The following VPS39 variants were observed in gnomAD, a reference collection of about 807,000 sequenced individuals.
VPS39 encodes the protein VPS39 subunit of HOPS complex.
Under a neutral mutation model 121.0 loss-of-function variants are expected in VPS39, and 70 were observed. The observed-to-expected ratio is 0.58, with a 90% confidence interval of 0.48 to 0.71. The LOEUF is 0.71. Among genes scored for constraint, VPS39 ranks in the 30% least tolerant of loss-of-function variants. VPS39 has a pLI of 0.00. For missense variants in VPS39, 818 were observed against 1,051.5 expected (o/e 0.78, Z 3.07); for synonymous variants, 378 against 398.1 (o/e 0.95, Z 0.60).
Position 42,178,583 on chromosome 15 carries a change from A to G in VPS39, c.719-13T>C. 3 of 1,613,834 alleles carry G rather than the reference A, an allele frequency of 1.9e-6. No homozygotes were observed. The highest frequency in any genetic ancestry group is 2.5e-6 in the Non-Finnish European group (3 of 1,179,800). On this transcript the variant is annotated splice_polypyrimidine_tract_variant and intron_variant, in intron 8 of 24. Transcript: ENST00000318006. The stretch of plus-strand genomic sequence containing the variant: ...GGAGGCTGGTGCTCTGTGAAAGAGA[A>G]CATACACAGCAGTTGTTCCGGTCTA...
chr15:42,165,752 A>C lies in VPS39; in HGVS notation c.1745T>G (p.Ile582Arg). The C allele has an allele frequency of 6.2e-7, 1 of 1,614,166 alleles. No homozygotes were observed. The highest frequency in any genetic ancestry group is 8.5e-7 in the Non-Finnish European group (1 of 1,180,008). Reference sequence around the variant, plus strand: ...AATAGCCAGACCCTTAAAATTCTCTATTAAGAAGCCGAGGACTCGATCACG... The same window carrying C: ...AATAGCCAGACCCTTAAAATTCTCTCTTAAGAAGCCGAGGACTCGATCACG... ...LPRDRVLGFL[I>R]ENFKGLAIPY... The change falls in exon 17 of 25, where the codon ATA becomes AGA. Residue 582 changes from isoleucine (I) to arginine (R), a missense_variant. Transcript: ENST00000318006.
chr15:42,163,530 G>C lies in VPS39; in HGVS notation c.2129+96C>G, dbSNP rs539891599. On this transcript the variant is annotated intron_variant, in intron 20 of 24. Transcript: ENST00000318006. Reference sequence around the variant, plus strand: ...CAGGACGGAGGCGATTCTTGCTCCCGCAGTGGAGTATGGGGAGATGGCCTT... The same window carrying C: ...CAGGACGGAGGCGATTCTTGCTCCCCCAGTGGAGTATGGGGAGATGGCCTT... 1.5e-4 allele frequency: 233 copies of C among 1,512,018 alleles called. 2 individuals are homozygous for C. In the African/African-American group the frequency reaches 3.0e-3, roughly 20 times the overall value. 93.7% of individuals were successfully genotyped at this position (1,512,018 alleles called of 1,614,324 possible).
At position 42,208,296 on chromosome 15, in the gene VPS39, G is replaced by C. The variant is rs1381574096; in HGVS notation, c.-143C>G. The C allele has an allele frequency of 1.4e-5, 15 of 1,066,652 alleles. No homozygotes were observed. The highest frequency in any genetic ancestry group is 1.9e-5 in the Non-Finnish European group (14 of 753,760). 66.1% of individuals were successfully genotyped at this position (1,066,652 alleles called of 1,614,324 possible). On this transcript the variant is annotated 5_prime_UTR_variant, in exon 1 of 25. Transcript: ENST00000318006. ...CAGGCCCTTCAACAACACAGCCATC[G>C]TCAACCCCGGACTTCCTGCTAGTTA... is the stretch of plus-strand genomic sequence containing the variant.
At chr15:42,199,676 T>C (rs1254871875) in intron 2 of VPS39, 2 of 542,204 alleles carry the variant, frequency 3.7e-6, no homozygotes, top group Middle Eastern at 2.8e-4. Flanking sequence ...AATTCAGTAA[T>C]AAGTAAACCA....
chr15:42,192,700 AC>A (rs2049853202), intron 2 of VPS39, among the ~76,000 whole-genome samples: 1 of 152,280 alleles, frequency 6.6e-6, no homozygotes, highest in South Asian at 2.1e-4. Context: ...AGAAAAAAAA[AC>A]AATTCAGACA....
At chr15:42,188,544 G>C (rs918348081) in intron 5 of VPS39, among the ~76,000 whole-genome samples, 3 of 152,134 alleles carry the variant, frequency 2.0e-5, no homozygotes, top group Non-Finnish European at 4.4e-5. Context: ...GTTTGTCCAG[G>C]ACGAGAGTTT....
At chr15:42,193,406 T>C (rs188974179) in intron 2 of VPS39, among the ~76,000 whole-genome samples, 3 of 152,368 alleles carry the variant, frequency 2.0e-5, no homozygotes, top group East Asian at 1.9e-4. Context: ...AGTACTTTAA[T>C]AGATTTTTCA....
Position 42,167,441 on chromosome 15 carries a change from T to G in VPS39, c.1330A>C (p.Lys444Gln). Reference sequence around the variant, plus strand: ...GTGGTGTCGATGATTTGTAGCAGCTTCTTCTTGGATTTGATGGTGGGAGTG... The same window carrying G: ...GTGGTGTCGATGATTTGTAGCAGCTGCTTCTTGGATTTGATGGTGGGAGTG... ...EGTPTIKSKK[K>Q]LLQIIDTTLL... Residue 444 changes from lysine to glutamine, a missense_variant, in exon 13 of 25, where the codon AAG becomes CAG. Transcript: ENST00000318006. The G allele has an allele frequency of 6.2e-7, 1 of 1,614,124 alleles. No individual in the cohort carries two copies. Among genetic ancestry groups the G allele is most frequent in the Non-Finnish European group, 8.5e-7 (1 of 1,180,022 alleles).
rs765796016 is a variant in VPS39, at chr15:42,184,568, T to A, written c.667A>T (p.Ile223Phe). The change falls in exon 8 of 25, where the codon ATC (isoleucine) becomes TTC (phenylalanine). Residue 223 changes from isoleucine (I) to phenylalanine (F), a missense_variant. Ile to Phe is a conservative substitution (Grantham distance 21, BLOSUM62 0). Transcript: ENST00000318006. The part of the protein sequence containing the change: ...DLTVVLNEEG[I>F]CTQKCALNWT... ...TTCAGGGCACATTTCTGTGTGCAGA[T>A]CCCTTCCTCATTGAGTACCACGGTG... is the stretch of plus-strand genomic sequence containing the variant. 6.2e-7 allele frequency: 1 copy of A among 1,614,100 alleles called. No individual in the cohort carries two copies. The highest frequency in any genetic ancestry group is 8.5e-7 in the Non-Finnish European group (1 of 1,180,028).
In VPS39 at chr15:42,192,001, C is replaced by T. The variant is rs947198028; in HGVS notation, c.140-441G>A. On this transcript the variant is annotated intron_variant, in intron 2 of 24. Transcript: ENST00000318006. ...ACTATTCTAACTAAGTTCTGTATCACGGAGACAGAGCAAACACTCAAACCC... is the reference window on the plus strand; with the variant it reads ...ACTATTCTAACTAAGTTCTGTATCATGGAGACAGAGCAAACACTCAAACCC... The T allele has an allele frequency of 2.8e-5, 42 of 1,492,138 alleles. No individual in the cohort carries two copies. In the African/African-American group the frequency reaches 5.0e-4, roughly 18 times the overall value. The allele number at this position is 1,492,138 out of a possible 1,614,324, so 92.4% of individuals were successfully genotyped here. A position where few individuals can be genotyped will look rare whatever the true frequency, so the allele number is the denominator to read the frequency against.
At chr15:42,181,795 C>CA (rs1326501357) in intron 8 of VPS39, among the ~76,000 whole-genome samples, 8 of 152,198 alleles carry the variant, frequency 5.3e-5, no homozygotes, top group Admixed American at 5.2e-4. Flanking sequence ...CTGCCGCCTC[C>CA]ATCTCCCAGG....
At chr15:42,185,118 C>T (rs1000283906) in intron 7 of VPS39, among the ~76,000 whole-genome samples, 4 of 151,962 alleles carry the variant, frequency 2.6e-5, no homozygotes, top group African/African-American at 9.7e-5. Context: ...TATGTTTACA[C>T]AAACGCTTGT....
Position 42,192,083 on chromosome 15 carries a change from G to A in VPS39, c.140-523C>T, listed in dbSNP as rs1239495652. On this transcript the variant is annotated intron_variant, in intron 2 of 24. Transcript: ENST00000318006. ...ACACTTACTGCCGCTTTCAGGTGAT[G>A]CTACATCTGCTGGCACTGTTACAAA... is the stretch of plus-strand genomic sequence containing the variant. The A allele has an allele frequency of 2.6e-6, 4 of 1,536,424 alleles. No individual in the cohort carries two copies. The East Asian group carries it at 9.8e-5, about 38-fold the overall frequency.
chr15:42,190,004 G>C (rs537975704), intron 4 of VPS39, among the ~76,000 whole-genome samples: 34 of 151,706 alleles, frequency 2.2e-4, no homozygotes, highest in Middle Eastern at 3.4e-3. Flanking sequence ...TTGTGGAGAT[G>C]AGGTCTCCCT....
intron 12 of VPS39, 91 bp from the exon 13 acceptor site, chr15:42,167,628 T>C (rs746687402): frequency 2.6e-5 from 39 of 1,507,266 alleles, no homozygotes; most frequent in Non-Finnish European, 3.5e-5. Context: ...TCCAATCAGC[T>C]CATGCCTATT....
chr15:42,191,241 T>C, intron 3 of VPS39, 74 bp from the exon 4 acceptor site: 1 of 1,552,282 alleles, frequency 6.4e-7, no homozygotes, highest in Non-Finnish European at 8.9e-7. Flanking sequence ...TCAATAACAG[T>C]AATAAAAAGG....
At chr15:42,187,733 A>G in intron 6 of VPS39, 25 bp downstream of exon 6, 5 of 1,611,664 alleles carry the variant, frequency 3.1e-6, no homozygotes, top group Non-Finnish European at 4.2e-6. Context: ...CCACCCAACC[A>G]TGGACCAAGG....
At chr15:42,187,948 A>G (rs1480142582) in intron 5 of VPS39, 92 bp from the exon 6 acceptor site, 3 of 1,253,222 alleles carry the variant, frequency 2.4e-6, no homozygotes, top group Non-Finnish European at 3.5e-6. Flanking sequence ...TGAAATTGCT[A>G]CTACTCTGAA....
At chr15:42,184,838 T>C (rs2049667125) in intron 7 of VPS39, 138 bp from the exon 8 acceptor site, 1 of 849,366 alleles carries the variant, frequency 1.2e-6, no homozygotes, top group East Asian at 2.6e-5. Context: ...ACAGAGTTTA[T>C]TATAATAACC....
Sources: allele counts gnomAD v4.1 joint callset (sites outside exome capture counted in the v4.1 genomes callset), GRCh38; gene constraint gnomAD v4.1.1; transcripts MANE v1.5; gene names NCBI Gene and HGNC (gene_info 2026-07-23, HGNC 2026-07-21).